The following NAA25 variants were observed in gnomAD, a reference collection of about 807,000 sequenced individuals.
NAA25 encodes N-terminal acetyltransferase B complex subunit NAA25.
A neutral mutation model predicts 132.5 loss-of-function variants in NAA25; 30 were observed. The ratio of observed to expected loss-of-function variants is 0.23; its 90% CI spans 0.17 to 0.31. The LOEUF (loss-of-function observed/expected upper bound fraction) is 0.31. Ranked by LOEUF, NAA25 falls within the 10% of genes least tolerant of loss-of-function variation. NAA25 has a pLI of 1.00. For missense variants in NAA25, 771 were observed against 1,150.4 expected, an observed-to-expected ratio of 0.67 and a Z score of 4.77; for synonymous variants, 359 against 401.9, an observed-to-expected ratio of 0.89 and a Z score of 1.28.
At chr12:112,054,635 A>G (rs2078516931) in intron 13 of NAA25, 67 bp from the exon 14 acceptor site, 1 of 1,449,934 alleles carries the variant, frequency 6.9e-7, no homozygotes, top group East Asian at 2.4e-5. Context: ...AAAACAAAAA[A>G]CAAAACCTTA....
chr12:112,043,552 C>A, intron 18 of NAA25, 73 bp downstream of exon 18: 1 of 1,548,238 alleles, frequency 6.5e-7, no homozygotes, highest in South Asian at 1.2e-5. Context: ...CTCACCCACC[C>A]CAAACTCCTG....
chr12:112,084,126 A>C (rs1417802023), intron 4 of NAA25, among the ~76,000 whole-genome samples: 2 of 152,172 alleles, frequency 1.3e-5, no homozygotes, highest in African/African-American at 4.8e-5. Context: ...TCAGAATGAG[A>C]ATGTCATTTA....
chr12:112,070,534 A>G (rs2078789710), intron 10 of NAA25, among the ~76,000 whole-genome samples: 1 of 152,010 alleles, frequency 6.6e-6, no homozygotes, highest in South Asian at 2.1e-4. Context: ...TTTGAAGTTG[A>G]TTTTGACTTT....
At chr12:112,057,693 A>G (rs982258690) in intron 13 of NAA25, among the ~76,000 whole-genome samples, 3 of 152,164 alleles carry the variant, frequency 2.0e-5, no homozygotes, top group African/African-American at 7.2e-5. Context: ...CATCCCTACT[A>G]AAAATACAAA....
Position 112,087,814 on chromosome 12 carries a change from G to T in NAA25, c.284-13C>A. ...GTAACTAACTCCGCTAAGATAAAGA[G>T]AAATAAGATTTAAGTTATACTTCAA... is the stretch of plus-strand genomic sequence containing the variant. On this transcript the variant is annotated splice_polypyrimidine_tract_variant and intron_variant, in intron 3 of 23. Coordinates refer to ENST00000261745, the MANE Select transcript of NAA25 (RefSeq NM_024953.4). The T allele has an allele frequency of 6.6e-7, 1 of 1,526,500 alleles. No individual in the cohort carries two copies. The highest frequency in any genetic ancestry group is 9.1e-7 in the Non-Finnish European group (1 of 1,101,428). The allele number at this position is 1,526,500 out of a possible 1,614,324, so 94.6% of individuals were successfully genotyped here.
At chr12:112,105,140 T>G (rs566891252) in intron 1 of NAA25, among the ~76,000 whole-genome samples, 2 of 151,302 alleles carry the variant, frequency 1.3e-5, no homozygotes, top group South Asian at 2.1e-4. Context: ...AACAACATGG[T>G]GAAATGCTGT....
chr12:112,064,937 G>A (rs937884706), intron 11 of NAA25, among the ~76,000 whole-genome samples: 1 of 152,198 alleles, frequency 6.6e-6, no homozygotes, highest in Non-Finnish European at 1.5e-5. Flanking sequence ...GGGCAGCTTA[G>A]GCAGGAGAAT....
At chr12:112,032,422 C>T (rs2078162950) in intron 23 of NAA25, among the ~76,000 whole-genome samples, 1 of 152,216 alleles carries the variant, frequency 6.6e-6, no homozygotes, top group Non-Finnish European at 1.5e-5. Context: ...TCTATTCATT[C>T]CCTTCCCTAT....
In NAA25 at chr12:112,086,303, C is replaced by T. The variant is rs537428091; in HGVS notation, c.402+1380G>A. ...TTGAGGTGAGGAATTTGAGACCAGCCTGGCCAACATGGTAAAACCTCGCCT... is the reference window on the plus strand; with the variant it reads ...TTGAGGTGAGGAATTTGAGACCAGCTTGGCCAACATGGTAAAACCTCGCCT... On this transcript the variant is annotated intron_variant, in intron 4 of 23. Coordinates refer to ENST00000261745, the MANE Select transcript of NAA25 (RefSeq NM_024953.4). Among the ~76,000 whole-genome samples, 5 of 151,552 alleles carry T rather than the reference C, an allele frequency of 3.3e-5. No individual in the cohort carries two copies. The South Asian group carries it at 6.3e-4, about 19-fold the overall frequency.
chr12:112,069,771 G>A (rs1278018639), intron 10 of NAA25, among the ~76,000 whole-genome samples: 1 of 149,268 alleles, frequency 6.7e-6, no homozygotes, highest in African/African-American at 2.5e-5. Context: ...AGTGAGCCGA[G>A]ACTGCGCCAC....
chr12:112,060,249 A>T (rs1049126686), intron 13 of NAA25, 21 bp downstream of exon 13: 1 of 1,547,152 alleles, frequency 6.5e-7, no homozygotes, highest in Admixed American at 1.8e-5. Flanking sequence ...GTAAAGTTGA[A>T]CTGAAATCAC....
rs764291216 is a variant in NAA25 at position 112,048,342 on chromosome 12, T to A, written c.1830A>T (p.Ala610=). The A allele has an allele frequency of 2.2e-5, 35 of 1,614,118 alleles. 1 individual carries two copies. The Middle Eastern group carries it at 1.3e-3, about 61-fold the overall frequency. ...RNRLNNSLHF[A]QVRTERMLLD... ...ACAGCATCCGTTCAGTACGGACTTG[T>A]GCAAAATGAAGAGAATTATTCAGCC... is the stretch of plus-strand genomic sequence containing the variant. The change falls in exon 16 of 24, where the codon GCA becomes GCT. Residue 610 remains alanine, a synonymous_variant. Transcript: ENST00000261745.
Position 112,081,048 on chromosome 12 carries a change from T to C in NAA25, c.477+12A>G, listed in dbSNP as rs771786818. 2.5e-6 allele frequency: 4 copies of C among 1,600,716 alleles called. No homozygotes were observed. Among genetic ancestry groups the C allele is most frequent in the Non-Finnish European group, 8.6e-7 (1 of 1,168,174 alleles). ...AACCAAACCTCAATCCCATTCTGAATGCCATACTCACTTGCATAATTAAGC... is the reference window on the plus strand; with the variant it reads ...AACCAAACCTCAATCCCATTCTGAACGCCATACTCACTTGCATAATTAAGC... On this transcript the variant is annotated intron_variant, in intron 5 of 23. Coordinates refer to ENST00000261745, the MANE Select transcript of NAA25 (RefSeq NM_024953.4).
intron 11 of NAA25, among the ~76,000 whole-genome samples, chr12:112,062,949 A>G (rs965354523): frequency 2.6e-5 from 4 of 151,800 alleles, no homozygotes; most frequent in Admixed American, 2.0e-4. Context: ...AGTCCCAGCT[A>G]CTCAAGAGGC....
intron 4 of NAA25, among the ~76,000 whole-genome samples, chr12:112,085,977 A>G (rs1377257278): frequency 7.7e-6 from 1 of 130,690 alleles, no homozygotes; most frequent in Non-Finnish European, 1.6e-5. Context: ...AGATCATACC[A>G]CTGGATTCCA....
At chr12:112,045,435 C>A (rs971568102) in intron 17 of NAA25, among the ~76,000 whole-genome samples, 1 of 148,418 alleles carries the variant, frequency 6.7e-6, no homozygotes, top group African/African-American at 2.5e-5. Flanking sequence ...TGCAGTGAGC[C>A]GAGATTGCGC....
chr12:112,052,753 C>T (rs987214434), intron 15 of NAA25, among the ~76,000 whole-genome samples: 4 of 152,216 alleles, frequency 2.6e-5, no homozygotes, highest in African/African-American at 9.6e-5. Context: ...CTTGCTAGTT[C>T]CTTAATTGCT....
intron 2 of NAA25, 27 bp downstream of exon 2, chr12:112,093,024 A>G (rs757224566): frequency 6.7e-7 from 1 of 1,502,404 alleles, no homozygotes; most frequent in South Asian, 1.2e-5. Context: ...CGCCACAGGT[A>G]AGTAACTGAA....
At chr12:112,078,765 C>T in intron 5 of NAA25, 24 bp from the exon 6 acceptor site, 2 of 1,567,406 alleles carry the variant, frequency 1.3e-6, no homozygotes, top group South Asian at 1.1e-5. Context: ...AATAATGTTT[C>T]ATTCTAATTC....
Sources: gnomAD v4.1 joint callset for allele counts (sites outside exome capture counted in the v4.1 genomes callset) on GRCh38, gnomAD v4.1.1 for gene constraint, MANE v1.5 for transcripts, NCBI Gene and HGNC (gene_info 2026-07-23, HGNC 2026-07-21) for gene names.